The following PRKDC variants were observed in gnomAD, a reference collection of about 807,000 sequenced individuals.
The protein encoded by PRKDC is protein kinase, DNA-activated, catalytic subunit.
PRKDC carries 82 observed loss-of-function variants against 486.9 expected under a neutral mutation model. The ratio of observed to expected loss-of-function variants is 0.17; its 90% confidence interval spans 0.14 to 0.20. PRKDC has a LOEUF of 0.20. Ranked by LOEUF, PRKDC falls within the 10% of genes least tolerant of loss-of-function variation. The pLI, the probability that PRKDC is intolerant of heterozygous loss-of-function variation, is 1.00. For missense variants in PRKDC, 4,504 were observed against 5,038.2 expected, an observed-to-expected ratio of 0.89 and a Z score of 3.21; for synonymous variants, 1,895 against 1,837.0, an observed-to-expected ratio of 1.03 and a Z score of -0.81.
Position 47,879,607 on chromosome 8 carries a change from G to A in PRKDC, c.5119C>T (p.Leu1707=), listed in dbSNP as rs774531215. ...TCCAGAACACGTCTAAGTTCCTCCA[G>A]ACTGCCTCCAGTGAGGCTGGTGAAG... ...PFFTSLTGGS[L]EELRRVLEQL... is the part of the protein sequence containing the mutation. The change falls in exon 39 of 86, where the codon CTG becomes TTG. Residue 1707 remains leucine, a synonymous_variant. Coordinates refer to ENST00000314191, the MANE Select transcript of PRKDC (RefSeq NM_006904.7). 1 of 1,592,700 alleles carries A rather than the reference G, an allele frequency of 6.3e-7. No homozygotes were observed. The highest frequency in any genetic ancestry group is 8.5e-7 in the Non-Finnish European group (1 of 1,170,230).
rs753977971 is a variant in PRKDC at position 47,777,894 on chromosome 8, A to G, written c.11854-20T>C. On this transcript the variant is annotated intron_variant, in intron 83 of 85. Transcript: ENST00000314191. Reference sequence around the variant, plus strand: ...CAGAAACTAAACAAGAAAAAAGGCAAGGAGCAGAATATGTAAGCCAGAACT... The same window carrying G: ...CAGAAACTAAACAAGAAAAAAGGCAGGGAGCAGAATATGTAAGCCAGAACT... 1 of 1,609,368 alleles carries G rather than the reference A, an allele frequency of 6.2e-7. No individual in the cohort carries two copies. Among genetic ancestry groups the G allele is most frequent in the South Asian group, 1.1e-5 (1 of 90,656 alleles).
chr8:47,951,077 A>C (rs192942256), intron 7 of PRKDC, among the ~76,000 whole-genome samples: 110 of 152,274 alleles, frequency 7.2e-4, no homozygotes, highest in Middle Eastern at 6.8e-3. Context: ...AACTCAAAAA[A>C]TGAGAGAAGG....
intron 29 of PRKDC, 125 bp downstream of exon 29, chr8:47,898,345 C>T (rs2089618149): frequency 9.2e-6 from 7 of 762,962 alleles, no homozygotes; most frequent in Admixed American, 5.5e-5. Flanking sequence ...TTCAGACTTC[C>T]ACACATTCCT....
intron 14 of PRKDC, among the ~76,000 whole-genome samples, 156 bp downstream of exon 14, chr8:47,934,853 G>C (rs957568250): frequency 1.3e-5 from 2 of 152,190 alleles, no homozygotes; most frequent in African/African-American, 4.8e-5. Flanking sequence ...ACAAAATATA[G>C]AGGTATTATG....
chr8:47,895,942 G>C (rs1285140744), intron 30 of PRKDC, among the ~76,000 whole-genome samples: 1 of 152,224 alleles, frequency 6.6e-6, no homozygotes, highest in African/African-American at 2.4e-5. Context: ...TGGAGGATGA[G>C]GCAGGAGAAT....
At chr8:47,940,805 T>G (rs1179296891) in intron 10 of PRKDC, among the ~76,000 whole-genome samples, 1 of 152,156 alleles carries the variant, frequency 6.6e-6, no homozygotes, top group Non-Finnish European at 1.5e-5. Context: ...ATTAAAACAC[T>G]ATGGCTCATA....
At chr8:47,941,445 C>T (rs528432368) in intron 10 of PRKDC, among the ~76,000 whole-genome samples, 28 of 152,204 alleles carry the variant, frequency 1.8e-4, no homozygotes, top group East Asian at 5.8e-4. Flanking sequence ...CCCTGGAAGC[C>T]GAGACCCAAC....
chr8:47,855,544 G>A (rs1458445003), intron 49 of PRKDC, among the ~76,000 whole-genome samples, 171 bp from the exon 50 acceptor site: 4 of 152,208 alleles, frequency 2.6e-5, no homozygotes, highest in Non-Finnish European at 2.9e-5. Context: ...CCTGGCAAGA[G>A]GACCAGGCAC....
chr8:47,891,487 G>A (rs1166181530), intron 31 of PRKDC, among the ~76,000 whole-genome samples: 6 of 152,078 alleles, frequency 3.9e-5, no homozygotes, highest in South Asian at 4.1e-4. Context: ...TTGGGAGGCC[G>A]AGGCAGGCGG....
chr8:47,888,342 A>T (rs750518844), intron 34 of PRKDC, among the ~76,000 whole-genome samples, 176 bp downstream of exon 34: 2 of 152,226 alleles, frequency 1.3e-5, no homozygotes, highest in African/African-American at 2.4e-5. Context: ...TCATATTTAT[A>T]TTGATATATC....
chr8:47,872,263 A>T (rs2088970458), intron 40 of PRKDC, among the ~76,000 whole-genome samples: 1 of 152,166 alleles, frequency 6.6e-6, no homozygotes, highest in African/African-American at 2.4e-5. Flanking sequence ...GGTAACCTCA[A>T]ATCAAAAATA....
intron 59 of PRKDC, among the ~76,000 whole-genome samples, chr8:47,833,793 T>G (rs2087943244): frequency 6.6e-6 from 1 of 152,108 alleles, no homozygotes; most frequent in South Asian, 2.1e-4. Context: ...TTTCCCTTCC[T>G]GCACCCCCAG....
At chr8:47,844,488 AG>A (rs2088221517) in intron 54 of PRKDC, among the ~76,000 whole-genome samples, 1 of 152,210 alleles carries the variant, frequency 6.6e-6, no homozygotes. Flanking sequence ...TAGATCAGGA[AG>A]GCAGAAAACT....
intron 85 of PRKDC, among the ~76,000 whole-genome samples, chr8:47,776,200 G>C (rs1198238915): frequency 6.6e-6 from 1 of 152,106 alleles, no homozygotes; most frequent in African/African-American, 2.4e-5. Flanking sequence ...TTTTCCACAT[G>C]GTGTGAAACA....
intron 50 of PRKDC, 115 bp downstream of exon 50, chr8:47,855,107 T>C (rs2088503465): frequency 1.8e-6 from 2 of 1,113,262 alleles, no homozygotes; most frequent in South Asian, 1.7e-5. Context: ...TAACAATAAA[T>C]TATTTTCTTC....
chr8:47,902,900 AT>A, intron 26 of PRKDC, 105 bp from the exon 27 acceptor site: 1 of 787,418 alleles, frequency 1.3e-6, no homozygotes, highest in Non-Finnish European at 1.8e-6. Flanking sequence ...TTAAAAATTA[AT>A]TTATAGCACT....
At chr8:47,888,426 T>A (rs1412278439) in intron 34 of PRKDC, 92 bp downstream of exon 34, 1 of 1,155,332 alleles carries the variant, frequency 8.7e-7, no homozygotes, top group East Asian at 2.8e-5. Context: ...GCATGCTCAA[T>A]ACATAAAGGA....
At chr8:47,793,682 C>CAAA in intron 74 of PRKDC, among the ~76,000 whole-genome samples, 1 of 86,744 alleles carries the variant, frequency 1.2e-5, no homozygotes, top group African/African-American at 5.3e-5. Flanking sequence ...TTTAAAAAAA[C>CAAA]TAAAAAAAAA....
At chr8:47,793,409 C>T (rs988024939) in intron 74 of PRKDC, among the ~76,000 whole-genome samples, 1 of 151,966 alleles carries the variant, frequency 6.6e-6, no homozygotes, top group Non-Finnish European at 1.5e-5. Context: ...GTGGGCGGAT[C>T]ACCTGAGGTC....
Sources: gnomAD v4.1 joint callset for allele counts (sites outside exome capture counted in the v4.1 genomes callset) on GRCh38, gnomAD v4.1.1 for gene constraint, MANE v1.5 for transcripts, NCBI Gene and HGNC (gene_info 2026-07-23, HGNC 2026-07-21) for gene names.